PRPF18: variants seen among roughly 807,000 people sequenced by gnomAD.
The protein encoded by PRPF18 is pre-mRNA processing factor 18, also known as pre-mRNA-splicing factor 18.
PRPF18 carries 38 observed loss-of-function variants against 46.5 expected under a neutral mutation model. The ratio of observed to expected loss-of-function variants is 0.82; its 90% CI spans 0.63 to 1.07. The LOEUF is 1.07. Ranked by LOEUF, PRPF18 falls within the 50% of genes least tolerant of loss-of-function variation. The probability of loss-of-function intolerance (pLI) is 0.00; values close to 1 mark genes in which losing one functional copy is unlikely to be tolerated. For synonymous variants in PRPF18, 152 were observed against 146.7 expected (o/e 1.04, Z -0.26); for missense variants, 263 against 410.0 (o/e 0.64, Z 3.10).
At chr10:13,593,847 G>A (rs373218908) in intron 1 of PRPF18, among the ~76,000 whole-genome samples, 6 of 152,300 alleles carry the variant, frequency 3.9e-5, no homozygotes, top group East Asian at 1.9e-4. Context: ...TGCTGAAAAT[G>A]AGGGGAGAAT....
the PRPF18 span, chr10:13,647,490 G>C: frequency 6.6e-6 from 1 of 151,850 alleles, no homozygotes; most frequent in African/African-American, 2.4e-5. Context: ...AGCTGCCCGG[G>C]TTGTCCTCCG....
chr10:13,630,165 G>C, intron 9 of PRPF18, 95 bp from the exon 10 acceptor site: 1 of 1,021,900 alleles, frequency 9.8e-7, no homozygotes, highest in Non-Finnish European at 1.5e-6. Flanking sequence ...TGCATTTTAT[G>C]GGGACATTGA....
At chr10:13,647,815 C>CAT in the PRPF18 span, 2 of 147,728 alleles carry the variant, frequency 1.4e-5, no homozygotes, top group South Asian at 2.2e-4. Flanking sequence ...AAGAAGCAAT[C>CAT]ATAGATATGT....
At chr10:13,610,743 C>A (rs945278004) in intron 5 of PRPF18, among the ~76,000 whole-genome samples, 1 of 152,154 alleles carries the variant, frequency 6.6e-6, no homozygotes, top group African/African-American at 2.4e-5. Flanking sequence ...GATGGCCTAG[C>A]AAAGTGGGAT....
the PRPF18 span, chr10:13,644,910 C>T: frequency 6.6e-6 from 1 of 152,240 alleles, no homozygotes; most frequent in Non-Finnish European, 1.5e-5. Flanking sequence ...ATCTCTTTAT[C>T]CTGCAGGTGT....
chr10:13,589,276 G>T (rs2079922728), intron 1 of PRPF18, among the ~76,000 whole-genome samples: 2 of 152,186 alleles, frequency 1.3e-5, no homozygotes, highest in Non-Finnish European at 2.9e-5. Flanking sequence ...GGTTTGCCGG[G>T]TGTTCTTAAG....
intron 4 of PRPF18, among the ~76,000 whole-genome samples, chr10:13,607,011 T>C (rs1478549065): frequency 6.6e-6 from 1 of 152,242 alleles, no homozygotes; most frequent in Non-Finnish European, 1.5e-5. Flanking sequence ...TTTAATCACA[T>C]TACCTGATGA....
At chr10:13,587,537 G>T (rs879876954) in intron 1 of PRPF18, among the ~76,000 whole-genome samples, 6 of 152,218 alleles carry the variant, frequency 3.9e-5, no homozygotes, top group Admixed American at 1.3e-4. Context: ...CCGCATCCCT[G>T]CCTTTCCACC....
chr10:13,652,018 TTACAGAGAGACACTG>T, the PRPF18 span: 1 of 1,028,856 alleles, frequency 9.7e-7, no homozygotes, highest in Non-Finnish European at 1.6e-6. Context: ...AGAGGTCATG[TTACAGAGAGACACTG>T]ACACAGACAC....
chr10:13,610,271 G>A, intron 5 of PRPF18, 86 bp downstream of exon 5: 9 of 1,414,260 alleles, frequency 6.4e-6, no homozygotes, highest in Non-Finnish European at 8.7e-6. Flanking sequence ...ATTGTTGAGG[G>A]CAGAGCACAC....
At chr10:13,598,360 AC>A (rs903336438) in intron 2 of PRPF18, among the ~76,000 whole-genome samples, 61 of 152,292 alleles carry the variant, frequency 4.0e-4, no homozygotes, top group African/African-American at 1.4e-3. Flanking sequence ...CTTGTAATTA[AC>A]CTTTTGCTTG....
At chr10:13,628,171 CCTT>C (rs1196198995) in intron 9 of PRPF18, among the ~76,000 whole-genome samples, 7 of 152,258 alleles carry the variant, frequency 4.6e-5, no homozygotes, top group Admixed American at 4.6e-4. Context: ...GTGCAAAAGC[CCTT>C]CTTGTGAATC....
At chr10:13,654,343 A>T in the PRPF18 span, 2 of 972,398 alleles carry the variant, frequency 2.1e-6, no homozygotes, top group Non-Finnish European at 3.4e-6. Context: ...ACATATCCTT[A>T]TGTCACCAGG....
intron 9 of PRPF18, among the ~76,000 whole-genome samples, chr10:13,629,082 A>G (rs1322931508): frequency 6.6e-6 from 1 of 152,258 alleles, no homozygotes; most frequent in Non-Finnish European, 1.5e-5. Flanking sequence ...ATGAAATTGA[A>G]TAGTGATAGT....
At chr10:13,647,011 C>G in the PRPF18 span, 1 of 976,710 alleles carries the variant, frequency 1.0e-6, no homozygotes, top group Non-Finnish European at 1.2e-6. Flanking sequence ...GGGAGGAATC[C>G]AGGAAACAGC....
rs574101144 is a variant in PRPF18, at chr10:13,617,094, T to C, written c.948+541T>C. Among the ~76,000 whole-genome samples the C allele has an allele frequency of 9.5e-4, 145 of 152,324 alleles. No homozygotes were observed. The South Asian group carries it at 0.013, about 14-fold the overall frequency. ...GTTATACATGCTTCACATAAACTTG[T>C]TGGTACTGTTTTTGGGCTAAACTTT... On this transcript the variant is annotated intron_variant, in intron 9 of 9. Transcript: ENST00000378572.
chr10:13,647,574 T>C, the PRPF18 span: 3 of 152,196 alleles, frequency 2.0e-5, no homozygotes, highest in African/African-American at 7.2e-5. Context: ...AATGTGAGTT[T>C]TCCCTATAGT....
intron 6 of PRPF18, among the ~76,000 whole-genome samples, chr10:13,612,066 G>A (rs953819597): frequency 1.3e-5 from 2 of 151,948 alleles, no homozygotes; most frequent in African/African-American, 4.8e-5. Flanking sequence ...TTTTAGTAGA[G>A]ATCGGGTTTC....
At position 13,597,943 on chromosome 10, in the gene PRPF18, T is replaced by C. The variant is rs2080058708; in HGVS notation, c.144+408T>C. On this transcript the variant is annotated intron_variant, in intron 2 of 9. Coordinates refer to ENST00000378572, the MANE Select transcript of PRPF18 (RefSeq NM_003675.4). ...ATTCATCCAGCCACAGTAATATTAG[T>C]GGTGGTAATTTTCCTGCCTTCTCCG... 3.3e-5 allele frequency among the ~76,000 whole-genome samples: 5 copies of C among 152,094 alleles called. No individual in the cohort carries two copies. The South Asian group carries it at 1.0e-3, about 31-fold the overall frequency.
Sources: allele counts gnomAD v4.1 joint callset (sites outside exome capture counted in the v4.1 genomes callset), GRCh38; gene constraint gnomAD v4.1.1; transcripts MANE v1.5; gene names NCBI Gene and HGNC (gene_info 2026-07-23, HGNC 2026-07-21).